Variants in ATG16L1 observed in about 807,000 individuals in gnomAD.
ATG16L1 encodes the protein autophagy-related protein 16-1.
ATG16L1 carries 37 observed loss-of-function variants against 88.5 expected under a neutral mutation model. The ratio of observed to expected loss-of-function variants is 0.42; its 90% confidence interval spans 0.32 to 0.55. ATG16L1 has a LOEUF of 0.55. Among genes scored for constraint, ATG16L1 ranks in the 20% least tolerant of loss-of-function variants. The pLI, the probability that ATG16L1 is intolerant of heterozygous loss-of-function variation, is 0.13. For missense variants in ATG16L1, 554 were observed against 752.8 expected (o/e 0.74, Z 3.09); for synonymous variants, 301 against 281.0 (o/e 1.07, Z -0.71).
intron 12 of ATG16L1, chr2:233,288,621 T>C (rs751431808): frequency 2.2e-5 from 9 of 409,754 alleles, no homozygotes; most frequent in Admixed American, 2.7e-5. Flanking sequence ...AGTGAATACC[T>C]TCTGAACCTC....
chr2:233,276,780 A>T (rs1698406043), intron 9 of ATG16L1, among the ~76,000 whole-genome samples: 1 of 152,226 alleles, frequency 6.6e-6, no homozygotes, highest in Non-Finnish European at 1.5e-5. Flanking sequence ...CCCAGCCAGG[A>T]TGCTTTTTTA....
At chr2:233,285,087 G>A (rs755888549) in intron 12 of ATG16L1, among the ~76,000 whole-genome samples, 1 of 152,200 alleles carries the variant, frequency 6.6e-6, no homozygotes, top group Non-Finnish European at 1.5e-5. Context: ...GCTTGAATAG[G>A]GTCATTTGAA....
chr2:233,288,058 A>G (rs1699202344), intron 12 of ATG16L1, among the ~76,000 whole-genome samples: 1 of 152,100 alleles, frequency 6.6e-6, no homozygotes, highest in African/African-American at 2.4e-5. Context: ...AGGTTTTCAC[A>G]CAACCGCAGC....
chr2:233,294,420 T>C lies in ATG16L1; in HGVS notation c.*70T>C. On this transcript the variant is annotated 3_prime_UTR_variant, in exon 18 of 18. Transcript: ENST00000392017. ...AAGCACATGGGCTCCTGCAGCCCTGTCCTGGCAGGTGATGTGCTGGGTATA... is the reference window on the plus strand; with the variant it reads ...AAGCACATGGGCTCCTGCAGCCCTGCCCTGGCAGGTGATGTGCTGGGTATA... 7.8e-7 allele frequency: 1 copy of C among 1,279,916 alleles called. No homozygotes were observed. Among genetic ancestry groups the C allele is most frequent in the Non-Finnish European group, 1.1e-6 (1 of 895,964 alleles). The allele number at this position is 1,279,916 out of a possible 1,614,324, so 79.3% of individuals were successfully genotyped here.
intron 12 of ATG16L1, among the ~76,000 whole-genome samples, chr2:233,286,570 C>T (rs1699090032): frequency 6.7e-6 from 1 of 150,074 alleles, no homozygotes; most frequent in Non-Finnish European, 1.5e-5. Context: ...GAGTCAGCCT[C>T]AGGCAGCTCC....
At chr2:233,259,545 G>C (rs1032465470) in intron 2 of ATG16L1, among the ~76,000 whole-genome samples, 1 of 152,188 alleles carries the variant, frequency 6.6e-6, no homozygotes, top group African/African-American at 2.4e-5. Context: ...TTGGCAACTC[G>C]ACTTGCTAGT....
At position 233,294,278 on chromosome 2, in the gene ATG16L1, G is replaced by A. The variant is rs151066690; in HGVS notation, c.1752G>A (p.Ala584=). 8.1e-4 allele frequency: 1,311 copies of A among 1,609,202 alleles called. 1 individual carries two copies. Among genetic ancestry groups the A allele is most frequent in the Non-Finnish European group, 1.0e-3 (1,211 of 1,177,822 alleles). The change falls in exon 18 of 18, where the codon GCG becomes GCA. Residue 584 remains alanine, a synonymous_variant. Transcript: ENST00000392017. The part of the protein sequence containing the change: ...KQHSSSINAV[A]WSPSGSHVVS... ...GAAGCTCATCCATCAATGCGGTGGC[G>A]TGGTCGCCCTCTGGCTCGCACGTTG... is the stretch of plus-strand genomic sequence containing the variant.
chr2:233,263,447 G>A (rs1486055485), intron 3 of ATG16L1, among the ~76,000 whole-genome samples: 1 of 152,178 alleles, frequency 6.6e-6, no homozygotes, highest in Non-Finnish European at 1.5e-5. Flanking sequence ...TCCTGTGAGA[G>A]CGCTGCCAGT....
chr2:233,284,142 C>A (rs1423035795), intron 12 of ATG16L1, among the ~76,000 whole-genome samples: 4 of 124,788 alleles, frequency 3.2e-5, no homozygotes, highest in African/African-American at 1.2e-4. Flanking sequence ...CCGTGCCCAG[C>A]CTAAATTTCT....
chr2:233,260,896 A>T (rs550756276), intron 2 of ATG16L1, among the ~76,000 whole-genome samples: 1 of 152,182 alleles, frequency 6.6e-6, no homozygotes, highest in African/African-American at 2.4e-5. Flanking sequence ...GCCTCTGAAC[A>T]TGATTAACAC....
chr2:233,289,407 G>GTGTGTGTGTGTGTGTGTGTGTGTA (rs1207953535), intron 12 of ATG16L1, among the ~76,000 whole-genome samples: 4 of 149,770 alleles, frequency 2.7e-5, no homozygotes, highest in Non-Finnish European at 1.5e-5. Flanking sequence ...GTGTGTGTGT[G>GTGTGTGTGTGTGTGTGTGTGTGTA]TGACAGGATC....
At chr2:233,267,702 G>A (rs1315283523) in intron 5 of ATG16L1, among the ~76,000 whole-genome samples, 1 of 152,240 alleles carries the variant, frequency 6.6e-6, no homozygotes, top group African/African-American at 2.4e-5. Context: ...GGGGCCCCAG[G>A]TGAGCTGGAT....
At chr2:233,253,253 C>A (rs1397603180) in intron 1 of ATG16L1, among the ~76,000 whole-genome samples, 2 of 151,136 alleles carry the variant, frequency 1.3e-5, no homozygotes, top group Non-Finnish European at 2.9e-5. Context: ...ACTGTTATTG[C>A]CATTTTCACA....
intron 2 of ATG16L1, 143 bp from the exon 3 acceptor site, chr2:233,262,987 T>C (rs1055714765): frequency 7.0e-6 from 5 of 714,382 alleles, no homozygotes; most frequent in Non-Finnish European, 9.6e-6. Flanking sequence ...CCGCAGCTGC[T>C]GGAGACACCC....
At position 233,292,418 on chromosome 2, in the gene ATG16L1, A is replaced by G; in HGVS notation, c.1612A>G (p.Thr538Ala). 1 of 1,612,824 alleles carries G rather than the reference A, an allele frequency of 6.2e-7. No individual in the cohort carries two copies. Among genetic ancestry groups the G allele is most frequent in the Non-Finnish European group, 8.5e-7 (1 of 1,179,956 alleles). Reference protein sequence around the residue: ...APGFKCGSDWTRVVFSPDGSY... With the variant: ...APGFKCGSDWARVVFSPDGSY... The stretch of plus-strand genomic sequence containing the variant: ...TGGGTTCAAGTGCGGCTCTGACTGG[A>G]CCAGAGTTGTCTTCAGGTTAGTAGT... The change falls in exon 16 of 18, where the codon ACC becomes GCC. Residue 538 changes from threonine to alanine, a missense_variant. Thr to Ala is a moderately conservative substitution (Grantham distance 58, BLOSUM62 0). Coordinates refer to ENST00000392017, the MANE Select transcript of ATG16L1 (RefSeq NM_030803.7).
At chr2:233,289,998 C>G (rs748685128) in intron 13 of ATG16L1, 24 bp downstream of exon 13, 2 of 1,612,822 alleles carry the variant, frequency 1.2e-6, no homozygotes, top group Admixed American at 3.3e-5. Context: ...GTCTCTCTGT[C>G]TGTGTATATG....
chr2:233,294,171 A>G (rs923728306), intron 17 of ATG16L1, 86 bp from the exon 18 acceptor site: 10 of 1,105,986 alleles, frequency 9.0e-6, no homozygotes, highest in Admixed American at 2.6e-5. Context: ...GGACTCCCTG[A>G]ATGCACAAGC....
chr2:233,292,450 C>T lies in ATG16L1; in HGVS notation c.1628+16C>T. On this transcript the variant is annotated intron_variant, in intron 16 of 17. Transcript: ENST00000392017. Reference sequence around the variant, plus strand: ...TTGTCTTCAGGTTAGTAGTGACCCACCCCCCGCCAATTTGGTTCATCACAA... The same window carrying T: ...TTGTCTTCAGGTTAGTAGTGACCCATCCCCCGCCAATTTGGTTCATCACAA... The T allele has an allele frequency of 4.3e-6, 7 of 1,612,072 alleles. No homozygotes were observed. Among genetic ancestry groups the T allele is most frequent in the Non-Finnish European group, 5.9e-6 (7 of 1,179,836 alleles).
rs769218053 is a variant in ATG16L1 at position 233,251,741 on chromosome 2, G to A, written c.-87G>A. 5.6e-6 allele frequency: 7 copies of A among 1,259,174 alleles called. No homozygotes were observed. Among genetic ancestry groups the A allele is most frequent in the African/African-American group, 3.0e-5 (2 of 66,372 alleles). 78.0% of individuals were successfully genotyped at this position (1,259,174 alleles called of 1,614,324 possible). A position where few individuals can be genotyped will look rare whatever the true frequency, so the allele number is the denominator to read the frequency against. On this transcript the variant is annotated 5_prime_UTR_variant, in exon 1 of 18. Transcript: ENST00000392017. The stretch of plus-strand genomic sequence containing the variant: ...GAGCTCCGGGATTGCCGGCATTCCC[G>A]CTTCTGCTGGTTGCTTCATGCTGCA...
Sources: allele counts gnomAD v4.1 joint callset (sites outside exome capture counted in the v4.1 genomes callset), GRCh38; gene constraint gnomAD v4.1.1; transcripts MANE v1.5; gene names NCBI Gene and HGNC (gene_info 2026-07-23, HGNC 2026-07-21).